ARHGEF40: variants seen among roughly 807,000 people sequenced by gnomAD.
The protein encoded by ARHGEF40 is Rho guanine nucleotide exchange factor 40.
Under a neutral mutation model 165.9 loss-of-function variants are expected in ARHGEF40, and 98 were observed. The observed-to-expected ratio is 0.59, with a 90% CI of 0.50 to 0.70. The LOEUF (loss-of-function observed/expected upper bound fraction) is 0.70. ARHGEF40 is among the 30% of genes least tolerant of loss of function. The probability of loss-of-function intolerance (pLI) is 0.00; values close to 1 mark genes in which losing one functional copy is unlikely to be tolerated. For missense variants in ARHGEF40, 1,815 were observed against 1,968.0 expected, an observed-to-expected ratio of 0.92 and a Z score of 1.47; for synonymous variants, 792 against 814.3, an observed-to-expected ratio of 0.97 and a Z score of 0.47.
Position 21,070,469 on chromosome 14 carries a change from T to C in ARHGEF40, c.3+70T>C. 1.5e-6 allele frequency: 2 copies of C among 1,351,634 alleles called. No homozygotes were observed. Among genetic ancestry groups the C allele is most frequent in the South Asian group, 1.9e-5 (1 of 52,290 alleles). The allele number at this position is 1,351,634 out of a possible 1,614,324, so 83.7% of individuals were successfully genotyped here. A position where few individuals can be genotyped will look rare whatever the true frequency, so the allele number is the denominator to read the frequency against. ...CAGCCCGCTCCGGGCCCCCAAGTCC[T>C]CAGCCTGGTGCCTCCCGAGCCTGCC... On this transcript the variant is annotated intron_variant, in intron 1 of 23. Transcript: ENST00000298694. This position sits in a 1 kb window ranked among gnomAD's most constrained non-coding sequence, Gnocchi z 4.7.
At chr14:21,083,765 C>T (rs1888119687) in intron 16 of ARHGEF40, 70 bp from the exon 17 acceptor site, 3 of 1,461,796 alleles carry the variant, frequency 2.1e-6, no homozygotes, top group Non-Finnish European at 1.9e-6. Flanking sequence ...CCCACCTACC[C>T]CCCAACCCCT....
At position 21,082,433 on chromosome 14, in the gene ARHGEF40, C is replaced by T. The variant is rs1199906575; in HGVS notation, c.3441C>T (p.Gly1147=). The T allele has an allele frequency of 1.5e-5, 24 of 1,606,484 alleles. No individual in the cohort carries two copies. In the Admixed American group the frequency reaches 3.3e-4, roughly 22 times the overall value. Residue 1147 remains glycine, a synonymous_variant, in exon 15 of 24, where the codon GGC becomes GGT. Coordinates refer to ENST00000298694, the MANE Select transcript of ARHGEF40 (RefSeq NM_018071.5). ...HRTHFLRELQ[G]CATHPLRIGA... ...CACACTTTCTGCGGGAGCTTCAGGG[C>T]TGCGCCACCCACCCCCTACGCATTG...
rs1888205925 is a variant in ARHGEF40 at position 21,084,772 on chromosome 14, G to A, written c.3809G>A (p.Gly1270Glu). ...RGCEIDLKEQ[G>E]QLLHRDPFTV... ...CTCCAGATAGATCTGAAGGAGCAGG[G>A]ACAGCTCTTGCATCGAGACCCCTTC... The change falls in exon 18 of 24, where the codon GGA becomes GAA. Residue 1270 changes from glycine to glutamate, a missense_variant. Gly to Glu is a moderately conservative substitution (Grantham distance 98). Transcript: ENST00000298694. 10 of 1,613,774 alleles carry A rather than the reference G, an allele frequency of 6.2e-6. No homozygotes were observed. The highest frequency in any genetic ancestry group is 8.5e-6 in the Non-Finnish European group (10 of 1,179,980).
In ARHGEF40 at chr14:21,074,333, G is replaced by A; in HGVS notation, c.603G>A (p.Leu201=). The change falls in exon 3 of 24, where the codon CTG becomes CTA. Residue 201 remains leucine (L), a synonymous_variant. Transcript: ENST00000298694. The surrounding 1 kb of genome is among the most constrained non-coding windows in gnomAD (Gnocchi z 4.8). The part of the protein sequence containing the change: ...GLMVGHQPST[L]PPELPSGPPG... ...TGGTTGGACATCAGCCAAGTACACT[G>A]CCCCCAGAACTGCCCTCTGGACCTC... 6.2e-7 allele frequency: 1 copy of A among 1,614,144 alleles called. No individual in the cohort carries two copies. Among genetic ancestry groups the A allele is most frequent in the Non-Finnish European group, 8.5e-7 (1 of 1,180,018 alleles).
the ARHGEF40 span, among the ~76,000 whole-genome samples, chr14:21,063,504 G>A: frequency 6.6e-6 from 1 of 152,170 alleles, no homozygotes; most frequent in Non-Finnish European, 1.5e-5. Context: ...GTTCAACATG[G>A]GCAGAGACCT....
At chr14:21,069,701 G>T (rs956076889), upstream of ARHGEF40, among the ~76,000 whole-genome samples, 1 of 152,250 alleles carries the variant, frequency 6.6e-6, no homozygotes, top group Admixed American at 6.5e-5. Flanking sequence ...GAGATGGAGG[G>T]AAAGGAGGGC....
Position 21,085,858 on chromosome 14 carries a change from A to C in ARHGEF40, c.4130A>C (p.His1377Pro). Residue 1377 changes from histidine to proline, a missense_variant, in exon 19 of 24, where the codon CAC becomes CCC. Transcript: ENST00000298694. ...IAQLLWRQAA[H>P]NKELRVQQMV... ...CAGCTGCTGTGGAGACAGGCAGCCCACAACAAGGGTACTGGGCAGAGCTGA... is the reference window on the plus strand; with the variant it reads ...CAGCTGCTGTGGAGACAGGCAGCCCCCAACAAGGGTACTGGGCAGAGCTGA... 1 of 1,613,988 alleles carries C rather than the reference A, an allele frequency of 6.2e-7. No individual in the cohort carries two copies.
In ARHGEF40 at chr14:21,072,935, T is replaced by G. The variant is rs1056867673; in HGVS notation, c.4-110T>G. The G allele has an allele frequency of 3.5e-6, 4 of 1,131,334 alleles. No homozygotes were observed. The highest frequency in any genetic ancestry group is 5.1e-6 in the Non-Finnish European group (4 of 785,520). 70.1% of individuals were successfully genotyped at this position (1,131,334 alleles called of 1,614,324 possible). ...CCTGAGTGCTCACTTTTTGCCCACATTGTACAATCGGGGCTTTGGAGAACA... is the reference window on the plus strand; with the variant it reads ...CCTGAGTGCTCACTTTTTGCCCACAGTGTACAATCGGGGCTTTGGAGAACA... On this transcript the variant is annotated intron_variant, in intron 1 of 23. Transcript: ENST00000298694. This position sits in a 1 kb window ranked among gnomAD's most constrained non-coding sequence, Gnocchi z 4.1.
At position 21,082,851 on chromosome 14, in the gene ARHGEF40, T is replaced by C. The variant is rs775148786; in HGVS notation, c.3507T>C (p.Tyr1169=). 61 of 1,614,096 alleles carry C rather than the reference T, an allele frequency of 3.8e-5. No homozygotes were observed. Among genetic ancestry groups the C allele is most frequent in the Non-Finnish European group, 4.7e-5 (55 of 1,180,042 alleles). The stretch of plus-strand genomic sequence containing the variant: ...CACAGGGGGACCAGTTCAGCCTTTA[T>C]GCACAGTACGTGAAGCACCGACACA... ...FLRHGDQFSL[Y]AQYVKHRHKL... is the part of the protein sequence containing the mutation. The change falls in exon 16 of 24, where the codon TAT becomes TAC. Residue 1169 remains tyrosine, a synonymous_variant. Transcript: ENST00000298694.
chr14:21,081,503 T>TCGTA lies in ARHGEF40; in HGVS notation c.2641-5_2641-2dup. The TCGTA allele has an allele frequency of 1.2e-6, 2 of 1,612,660 alleles. No homozygotes were observed. The highest frequency in any genetic ancestry group is 1.7e-6 in the Non-Finnish European group (2 of 1,179,806). ...TCTCCCATCCCCAACCCCTTTGACTTCGTAGGCACATGAATGGGTGGATGA... is the reference window on the plus strand; with the variant it reads ...TCTCCCATCCCCAACCCCTTTGACTTCGTACGTAGGCACATGAATGGGTGGATGA... On this transcript the variant is annotated splice_polypyrimidine_tract_variant and splice_region_variant and intron_variant, in intron 13 of 23. Coordinates refer to ENST00000298694, the MANE Select transcript of ARHGEF40 (RefSeq NM_018071.5).
chr14:21,067,738 A>C (rs1239489780), upstream of ARHGEF40, among the ~76,000 whole-genome samples: 2 of 143,548 alleles, frequency 1.4e-5, no homozygotes, highest in Non-Finnish European at 3.0e-5. Context: ...ACGTATCAAC[A>C]CATACTCTGT....
Position 21,073,796 on chromosome 14 carries a change from TC to T in ARHGEF40, c.202-132del. On this transcript the variant is annotated intron_variant, in intron 2 of 23. Transcript: ENST00000298694. This position sits in a 1 kb window ranked among gnomAD's most constrained non-coding sequence, Gnocchi z 4.6. ...CTCTGCCACCTGAATACCCCAAATC[TC>T]CCCTCCTGCTCTCCTGAGAGTATAA... The T allele has an allele frequency of 1.0e-6, 1 of 1,003,112 alleles. No individual in the cohort carries two copies. Among genetic ancestry groups the T allele is most frequent in the South Asian group, 1.7e-5 (1 of 60,440 alleles). The allele number at this position is 1,003,112 out of a possible 1,614,324, so 62.1% of individuals were successfully genotyped here. A position where few individuals can be genotyped will look rare whatever the true frequency, so the allele number is the denominator to read the frequency against.
At position 21,075,097 on chromosome 14, in the gene ARHGEF40, C is replaced by T. The variant is rs779144112; in HGVS notation, c.1367C>T (p.Pro456Leu). 3 of 1,614,048 alleles carry T rather than the reference C, an allele frequency of 1.9e-6. No homozygotes were observed. Among genetic ancestry groups the T allele is most frequent in the African/African-American group, 1.3e-5 (1 of 75,062 alleles). ...CTCAAAACAGCAGGCGAGAAAGAGC[C>T]TCAGCTCTCTGAAGCCTGTGGGCCT... ...KELKTAGEKE[P>L]QLSEACGPTE... The change falls in exon 3 of 24, where the codon CCT (proline) becomes CTT (leucine). Residue 456 changes from proline (P) to leucine (L), a missense_variant. By Grantham distance (98) the Pro-to-Leu change is moderately conservative. Transcript: ENST00000298694. This position sits in a 1 kb window ranked among gnomAD's most constrained non-coding sequence, Gnocchi z 4.5.
At chr14:21,071,149 C>T (rs1022174199) in intron 1 of ARHGEF40, among the ~76,000 whole-genome samples, 2 of 152,194 alleles carry the variant, frequency 1.3e-5, no homozygotes, top group Non-Finnish European at 2.9e-5. Flanking sequence ...CGAGCCGGAG[C>T]TCCCTGCAGG....
chr14:21,076,182 C>T (rs1399691415), intron 5 of ARHGEF40, among the ~76,000 whole-genome samples, 178 bp from the exon 6 acceptor site: 1 of 152,212 alleles, frequency 6.6e-6, no homozygotes, highest in East Asian at 1.9e-4. Context: ...TAGGTGACTT[C>T]CTCTTGTACA....
chr14:21,081,849 T>TC lies in ARHGEF40; in HGVS notation c.2985dup (p.Ser996GlnfsTer22). 1.9e-6 allele frequency: 3 copies of TC among 1,611,632 alleles called. No homozygotes were observed. Among genetic ancestry groups the TC allele is most frequent in the Non-Finnish European group, 2.5e-6 (3 of 1,179,464 alleles). On this transcript the variant is annotated frameshift_variant, in exon 14 of 24. Transcript: ENST00000298694. LOFTEE classifies it high-confidence loss of function. The stretch of plus-strand genomic sequence containing the variant: ...TCGCCCAGCCTCAGCTCCTTGCTGC[T>TC]CCCCAGCAGCCCTGGGCCACGGCCA...
In ARHGEF40 at chr14:21,089,966, T is replaced by C. The variant is rs1888686253; in HGVS notation, c.*958T>C. The C allele has an allele frequency of 4.2e-6, 1 of 235,636 alleles. No individual in the cohort carries two copies. 14.6% of individuals were successfully genotyped at this position (235,636 alleles called of 1,614,324 possible). A position where few individuals can be genotyped will look rare whatever the true frequency, so the allele number is the denominator to read the frequency against. On this transcript the variant is annotated 3_prime_UTR_variant, in exon 24 of 24. Coordinates refer to ENST00000298694, the MANE Select transcript of ARHGEF40 (RefSeq NM_018071.5). ...TGGGGGTAAAACCCAATATTCTGCA[T>C]TTCTTATCAAACTCTTTGGGTGATA...
the ARHGEF40 span, among the ~76,000 whole-genome samples, chr14:21,063,271 G>A: frequency 2.0e-5 from 3 of 152,174 alleles, no homozygotes; most frequent in Admixed American, 1.3e-4. Context: ...TGTTCAGGGT[G>A]AGGAAGTAAA....
Position 21,089,518 on chromosome 14 carries a change from A to G in ARHGEF40, c.*510A>G, listed in dbSNP as rs1888653952. On this transcript the variant is annotated 3_prime_UTR_variant, in exon 24 of 24. Coordinates refer to ENST00000298694, the MANE Select transcript of ARHGEF40 (RefSeq NM_018071.5). ...ATGTAATTACTGTTATTATAATACT[A>G]TTGTTATATTAAATGTATTTACTCA... 6.6e-6 allele frequency: 1 copy of G among 152,660 alleles called. No homozygotes were observed. Among genetic ancestry groups the G allele is most frequent in the African/African-American group, 2.4e-5 (1 of 41,442 alleles). The allele number at this position is 152,660 out of a possible 1,614,324, so 9.5% of individuals were successfully genotyped here. A position where few individuals can be genotyped will look rare whatever the true frequency, so the allele number is the denominator to read the frequency against.
Sources: gnomAD v4.1 joint callset for allele counts (sites outside exome capture counted in the v4.1 genomes callset) on GRCh38, gnomAD v4.1.1 for gene constraint, Gnocchi (gnomAD v3.1) non-coding constraint, MANE v1.5 for transcripts, NCBI Gene and HGNC (gene_info 2026-07-23, HGNC 2026-07-21) for gene names.